Variants in CSMD3 observed in about 807,000 individuals in gnomAD.
CSMD3 encodes the protein CUB and sushi domain-containing protein 3.
In CSMD3, 177 loss-of-function variants were observed where a neutral mutation model predicts 435.2. That is an observed-to-expected ratio of 0.41 (90% CI 0.36 to 0.46). The LOEUF (loss-of-function observed/expected upper bound fraction) is 0.46, where lower values mean the gene tolerates loss of function less well. Ranked by LOEUF, CSMD3 falls within the 20% of genes least tolerant of loss-of-function variation. The pLI, the probability that CSMD3 is intolerant of heterozygous loss-of-function variation, is 0.34. For synonymous variants in CSMD3, 1,656 were observed against 1,520.5 expected, an observed-to-expected ratio of 1.09 and a Z score of -2.07; for missense variants, 4,265 against 4,504.6, an observed-to-expected ratio of 0.95 and a Z score of 1.52.
At chr8:113,385,723 C>A (rs961531767) in intron 1 of CSMD3, among the ~76,000 whole-genome samples, 1 of 151,754 alleles carries the variant, frequency 6.6e-6, no homozygotes, top group African/African-American at 2.4e-5. Context: ...TAAGGGAATT[C>A]GTAAGAAAAG....
At chr8:112,448,379 C>A (rs574363738) in intron 32 of CSMD3, among the ~76,000 whole-genome samples, 1 of 152,156 alleles carries the variant, frequency 6.6e-6, no homozygotes, top group Non-Finnish European at 1.5e-5. Flanking sequence ...ACAATTCCCA[C>A]TCATAGCAGG....
At chr8:112,853,615 C>G (rs528256732) in intron 11 of CSMD3, among the ~76,000 whole-genome samples, 1 of 152,292 alleles carries the variant, frequency 6.6e-6, no homozygotes, top group East Asian at 1.9e-4. Flanking sequence ...ACATCTATAG[C>G]TGACAATTTG....
intron 59 of CSMD3, among the ~76,000 whole-genome samples, chr8:112,267,153 T>C (rs1817032626): frequency 6.6e-6 from 1 of 152,162 alleles, no homozygotes; most frequent in South Asian, 2.1e-4. Flanking sequence ...ATGTTATCAT[T>C]AAGAATGATT....
chr8:112,852,453 T>A (rs1276387503), intron 11 of CSMD3, among the ~76,000 whole-genome samples: 1 of 152,180 alleles, frequency 6.6e-6, no homozygotes, highest in African/African-American at 2.4e-5. Context: ...TCTCATTTGA[T>A]CTTTTAATTT....
chr8:112,938,438 G>A (rs1042671634), intron 9 of CSMD3, among the ~76,000 whole-genome samples: 2 of 152,156 alleles, frequency 1.3e-5, no homozygotes, highest in African/African-American at 4.8e-5. Context: ...ACAGAGCCAA[G>A]AGAGCATTGA....
intron 5 of CSMD3, among the ~76,000 whole-genome samples, chr8:113,074,463 T>G (rs2089259723): frequency 6.6e-6 from 1 of 152,038 alleles, no homozygotes; most frequent in Admixed American, 6.6e-5. Flanking sequence ...CAGACCTTTC[T>G]ACCAGGTTTT....
chr8:112,754,630 T>C (rs1191149664), intron 13 of CSMD3, among the ~76,000 whole-genome samples: 2 of 152,166 alleles, frequency 1.3e-5, no homozygotes, highest in African/African-American at 2.4e-5. Context: ...GAAGTGACTT[T>C]AAGCATTCAG....
intron 32 of CSMD3, among the ~76,000 whole-genome samples, chr8:112,463,311 G>A (rs62516479): frequency 0.2 from 30,382 of 152,094 alleles, 3,709 homozygotes; most frequent in East Asian, 0.39. Flanking sequence ...GCAGTGAGCC[G>A]AGGTCATGCC....
chr8:113,232,897 T>C (rs987093596), intron 3 of CSMD3, among the ~76,000 whole-genome samples: 2 of 151,904 alleles, frequency 1.3e-5, no homozygotes, highest in Non-Finnish European at 2.9e-5. Flanking sequence ...ATTTAATGTT[T>C]CGTAACATTA....
At chr8:113,287,444 G>A (rs2093655303) in intron 2 of CSMD3, among the ~76,000 whole-genome samples, 1 of 152,026 alleles carries the variant, frequency 6.6e-6, no homozygotes, top group Non-Finnish European at 1.5e-5. Context: ...ATGAAGCACA[G>A]CACAATAATT....
intron 1 of CSMD3, among the ~76,000 whole-genome samples, chr8:113,360,194 G>A (rs1252204493): frequency 6.6e-6 from 1 of 152,062 alleles, no homozygotes; most frequent in African/African-American, 2.4e-5. Flanking sequence ...AGACAGAGAT[G>A]GTCAAAACTC....
At chr8:112,445,826 T>C (rs571744382) in intron 32 of CSMD3, among the ~76,000 whole-genome samples, 1 of 152,290 alleles carries the variant, frequency 6.6e-6, no homozygotes, top group East Asian at 1.9e-4. Flanking sequence ...AAGCCAAGTG[T>C]ATATTTCATA....
intron 1 of CSMD3, among the ~76,000 whole-genome samples, chr8:113,423,591 A>G (rs965770947): frequency 6.6e-5 from 10 of 151,968 alleles, no homozygotes; most frequent in Admixed American, 4.6e-4. Flanking sequence ...TAAAAAGACC[A>G]CTTTCTTCTT....
chr8:113,326,877 A>G (rs1222573927), intron 1 of CSMD3, among the ~76,000 whole-genome samples: 2 of 152,186 alleles, frequency 1.3e-5, no homozygotes, highest in Admixed American at 6.5e-5. Context: ...AGTCTTATAT[A>G]TTATAGGAAA....
intron 22 of CSMD3, among the ~76,000 whole-genome samples, chr8:112,609,117 G>A (rs1047403096): frequency 2.8e-5 from 4 of 142,778 alleles, no homozygotes; most frequent in African/African-American, 7.8e-5. Flanking sequence ...CAGGAGAATC[G>A]CTTGAACCTG....
At chr8:112,920,249 C>A (rs565989171) in intron 10 of CSMD3, among the ~76,000 whole-genome samples, 87 of 151,784 alleles carry the variant, frequency 5.7e-4, no homozygotes, top group South Asian at 8.3e-4. Flanking sequence ...TCATGATTAA[C>A]AGTTAAATTG....
At chr8:113,375,894 C>A (rs942203783) in intron 1 of CSMD3, among the ~76,000 whole-genome samples, 2 of 152,054 alleles carry the variant, frequency 1.3e-5, no homozygotes. Flanking sequence ...TATCAGAAGT[C>A]TTATACAATT....
At chr8:112,456,568 A>T (rs1243217551) in intron 32 of CSMD3, among the ~76,000 whole-genome samples, 1 of 152,124 alleles carries the variant, frequency 6.6e-6, no homozygotes, top group African/African-American at 2.4e-5. Flanking sequence ...CTAAAATGTC[A>T]TATTTCTTAA....
At chr8:113,040,445 A>G (rs1408881524) in intron 5 of CSMD3, among the ~76,000 whole-genome samples, 1 of 152,198 alleles carries the variant, frequency 6.6e-6, no homozygotes, top group Non-Finnish European at 1.5e-5. Context: ...TAGGGCAGGG[A>G]CAGGTGGAAG....
Sources: gnomAD v4.1 joint callset for allele counts (sites outside exome capture counted in the v4.1 genomes callset) on GRCh38, gnomAD v4.1.1 for gene constraint, MANE v1.5 for transcripts, NCBI Gene and HGNC (gene_info 2026-07-23, HGNC 2026-07-21) for gene names.